The following JPH1 variants were observed in gnomAD, a reference collection of about 807,000 sequenced individuals.
JPH1 encodes junctophilin-1.
JPH1 carries 12 observed loss-of-function variants against 53.6 expected under a neutral mutation model. That is an observed-to-expected ratio of 0.22 (90% CI 0.14 to 0.36). JPH1 has a LOEUF of 0.36. JPH1 is among the 10% of genes least tolerant of loss of function. The pLI is 1.00. For missense variants in JPH1, 808 were observed against 905.5 expected, an observed-to-expected ratio of 0.89 and a Z score of 1.38; for synonymous variants, 375 against 363.8, an observed-to-expected ratio of 1.03 and a Z score of -0.35.
intron 3 of JPH1, 25 bp downstream of exon 3, chr8:74,259,360 A>G (rs755398931): frequency 6.5e-7 from 1 of 1,531,622 alleles, no homozygotes. Flanking sequence ...CTCCTGCCTC[A>G]CCCATCAAAG....
At chr8:74,238,879 A>G (rs1805616301) in intron 4 of JPH1, among the ~76,000 whole-genome samples, 1 of 152,156 alleles carries the variant, frequency 6.6e-6, no homozygotes, top group Non-Finnish European at 1.5e-5. Flanking sequence ...GCTGGTCTCA[A>G]CTTCCTGGCC....
At position 74,321,362 on chromosome 8, in the gene JPH1, G is replaced by T. The variant is rs1808321469; in HGVS notation, c.-75C>A. Reference sequence around the variant, plus strand: ...TGCTGGGCACGGCAGGGTGTAGCTCGGGGGTGGGGGCCCGGCGGGCGAGCT... The same window carrying T: ...TGCTGGGCACGGCAGGGTGTAGCTCTGGGGTGGGGGCCCGGCGGGCGAGCT... On this transcript the variant is annotated 5_prime_UTR_variant, in exon 1 of 6. Transcript: ENST00000342232. This position sits in a 1 kb window ranked among gnomAD's most constrained non-coding sequence, Gnocchi z 4.3. 1.5e-6 allele frequency: 2 copies of T among 1,359,304 alleles called. No individual in the cohort carries two copies. Among genetic ancestry groups the T allele is most frequent in the Non-Finnish European group, 1.9e-6 (2 of 1,050,220 alleles). The allele number at this position is 1,359,304 out of a possible 1,614,324, so 84.2% of individuals were successfully genotyped here.
chr8:74,320,820 G>A lies in JPH1; in HGVS notation c.379+89C>T. 8.8e-6 allele frequency: 12 copies of A among 1,366,692 alleles called. No homozygotes were observed. Among genetic ancestry groups the A allele is most frequent in the Non-Finnish European group, 1.1e-5 (12 of 1,053,046 alleles). 84.7% of individuals were successfully genotyped at this position (1,366,692 alleles called of 1,614,324 possible). ...TTTTGGCGGGTTTCCGGACACGTGC[G>A]CCCGGCGTCCTCCCCGCTTCCCCGC... On this transcript the variant is annotated intron_variant, in intron 1 of 5. Transcript: ENST00000342232. This position sits in a 1 kb window ranked among gnomAD's most constrained non-coding sequence, Gnocchi z 4.4.
intron 2 of JPH1, among the ~76,000 whole-genome samples, chr8:74,263,870 A>G (rs1024376549): frequency 1.3e-5 from 2 of 152,218 alleles, no homozygotes; most frequent in African/African-American, 4.8e-5. Flanking sequence ...TGAGAGACCT[A>G]AATTTGAGAA....
intron 3 of JPH1, among the ~76,000 whole-genome samples, chr8:74,252,251 C>T (rs1435544004): frequency 6.6e-6 from 1 of 152,192 alleles, no homozygotes; most frequent in Non-Finnish European, 1.5e-5. Flanking sequence ...CCACTCAGGA[C>T]ACAGGCATGG....
intron 3 of JPH1, among the ~76,000 whole-genome samples, chr8:74,257,457 A>C (rs1458227552): frequency 1.3e-5 from 2 of 152,228 alleles, no homozygotes; most frequent in African/African-American, 4.8e-5. Flanking sequence ...AGAACCAAGA[A>C]ATTACCATCT....
chr8:74,315,272 G>T lies in JPH1; in HGVS notation c.728C>A (p.Ala243Glu). 1 of 1,614,130 alleles carries T rather than the reference G, an allele frequency of 6.2e-7. No individual in the cohort carries two copies. The highest frequency in any genetic ancestry group is 2.2e-5 in the East Asian group (1 of 44,874). The part of the protein sequence containing the change: ...SSKRSSVRSD[A>E]AMSRISSSDA... ...GCTGGAACTAATTCTGCTCATGGCC[G>T]CGTCGCTGCGGACAGAGCTGCGCTT... Residue 243 changes from alanine (A) to glutamate (E), a missense_variant, in exon 2 of 6, where the codon GCG (alanine) becomes GAG (glutamate). Coordinates refer to ENST00000342232, the MANE Select transcript of JPH1 (RefSeq NM_020647.4). The surrounding 1 kb of genome is among the most constrained non-coding windows in gnomAD (Gnocchi z 6.3).
chr8:74,319,637 TCTGA>T (rs549276180), intron 1 of JPH1, among the ~76,000 whole-genome samples: 1,593 of 152,364 alleles, frequency 0.01, 8 homozygotes, highest in Non-Finnish European at 0.017. Flanking sequence ...GCCCAAGTGT[TCTGA>T]CTAAGTGAAG....
At chr8:74,241,893 A>T (rs1476492153) in intron 4 of JPH1, among the ~76,000 whole-genome samples, 2 of 152,178 alleles carry the variant, frequency 1.3e-5, no homozygotes, top group Non-Finnish European at 2.9e-5. Context: ...TAATTGGAAA[A>T]TTCCCCTCTT....
At chr8:74,290,463 G>A (rs1314635934) in intron 2 of JPH1, among the ~76,000 whole-genome samples, 2 of 152,132 alleles carry the variant, frequency 1.3e-5, no homozygotes, top group Non-Finnish European at 2.9e-5. Flanking sequence ...ACAAACCACT[G>A]CTCAACAAAA....
chr8:74,297,317 G>A (rs1171855225), intron 2 of JPH1, among the ~76,000 whole-genome samples: 1 of 152,224 alleles, frequency 6.6e-6, no homozygotes, highest in African/African-American at 2.4e-5. Flanking sequence ...CAGCTTTGGA[G>A]ACTATGTAGA....
At chr8:74,259,252 C>G in intron 3 of JPH1, 133 bp downstream of exon 3, 1 of 633,550 alleles carries the variant, frequency 1.6e-6, no homozygotes, top group South Asian at 2.3e-5. Flanking sequence ...CAACCGCAGG[C>G]GCCCTTGCTT....
intron 3 of JPH1, among the ~76,000 whole-genome samples, chr8:74,251,289 T>A (rs10101965): frequency 0.038 from 5,735 of 152,280 alleles, 343 homozygotes; most frequent in African/African-American, 0.12. Context: ...AATTTTTCTT[T>A]AGATGTTTTT....
At chr8:74,317,470 C>T (rs1808196826) in intron 1 of JPH1, among the ~76,000 whole-genome samples, 1 of 152,122 alleles carries the variant, frequency 6.6e-6, no homozygotes, top group African/African-American at 2.4e-5. Context: ...GAATACTGGC[C>T]ATCTCCAAAT....
At chr8:74,301,529 G>A (rs1807682335) in intron 2 of JPH1, among the ~76,000 whole-genome samples, 1 of 152,184 alleles carries the variant, frequency 6.6e-6, no homozygotes, top group Admixed American at 6.5e-5. Flanking sequence ...CGGACAGATC[G>A]CTCCTGGAGA....
rs1808312455 is a variant in JPH1 at position 74,321,152 on chromosome 8, A to G, written c.136T>C (p.Phe46Leu). The G allele has an allele frequency of 6.2e-7, 1 of 1,613,234 alleles. No individual in the cohort carries two copies. The highest frequency in any genetic ancestry group is 8.5e-7 in the Non-Finnish European group (1 of 1,179,732). ...GEYSGSWSHG[F>L]EVVGGYTWPS... ...CAGGTGTAGCCTCCGACCACCTCGA[A>G]GCCGTGCGACCAGGAGCCCGAGTAC... Residue 46 changes from phenylalanine to leucine, a missense_variant, in exon 1 of 6, where the codon TTC (phenylalanine) becomes CTC (leucine). Physicochemically the swap from Phe to Leu is conservative, Grantham distance 22. This residue lies in a region of JPH1 where 52 missense variants were observed against 93.6 expected (regional missense o/e 0.56). Coordinates refer to ENST00000342232, the MANE Select transcript of JPH1 (RefSeq NM_020647.4). The surrounding 1 kb of genome is among the most constrained non-coding windows in gnomAD (Gnocchi z 4.3).
At chr8:74,261,528 T>C (rs1806395659) in intron 2 of JPH1, among the ~76,000 whole-genome samples, 1 of 152,130 alleles carries the variant, frequency 6.6e-6, no homozygotes, top group East Asian at 1.9e-4. Context: ...GAAATGGAAA[T>C]AACATCAAGA....
At chr8:74,262,390 T>C (rs2131396823) in intron 2 of JPH1, among the ~76,000 whole-genome samples, 1 of 152,298 alleles carries the variant, frequency 6.6e-6, no homozygotes, top group East Asian at 1.9e-4. Context: ...ATTGCGATTG[T>C]TCTTGCGTTG....
intron 2 of JPH1, among the ~76,000 whole-genome samples, chr8:74,306,557 T>C (rs1220635402): frequency 1.3e-5 from 2 of 151,842 alleles, no homozygotes; most frequent in African/African-American, 2.4e-5. Flanking sequence ...AAGTATAAAG[T>C]ACAACAAAAG....
Sources: gnomAD v4.1 joint callset for allele counts (sites outside exome capture counted in the v4.1 genomes callset) on GRCh38, gnomAD v4.1.1 for gene constraint, gnomAD v4.1.1 regional missense constraint, Gnocchi (gnomAD v3.1) non-coding constraint, MANE v1.5 for transcripts, NCBI Gene and HGNC (gene_info 2026-07-23, HGNC 2026-07-21) for gene names.